The following CCDC181 variants were observed in gnomAD, a reference collection of about 807,000 sequenced individuals.
The protein encoded by CCDC181 is coiled-coil domain-containing protein 181.
In CCDC181, 35 loss-of-function variants were observed where a neutral mutation model predicts 58.7. The observed-to-expected ratio is 0.60, with a 90% CI of 0.46 to 0.79. The LOEUF (loss-of-function observed/expected upper bound fraction) is 0.79, where lower values mean the gene tolerates loss of function less well. CCDC181 is among the 30% of genes least tolerant of loss of function. The pLI is 0.00. For synonymous variants in CCDC181, 183 were observed against 197.5 expected (o/e 0.93, Z 0.62); for missense variants, 517 against 583.9 (o/e 0.89, Z 1.18).
Position 169,410,624 on chromosome 1 carries a change from T to C in CCDC181, c.1215+8389A>G, listed in dbSNP as rs1655914145. ...GCATCACATTGCACTTATTCTAAAA[T>C]TGACCACATATGGGAAGTAAAACAC... is the stretch of plus-strand genomic sequence containing the variant. On this transcript the variant is annotated intron_variant, in intron 4 of 5. Transcript: ENST00000367806. Among the ~76,000 whole-genome samples, 5 of 152,178 alleles carry C rather than the reference T, an allele frequency of 3.3e-5. No individual in the cohort carries two copies. In the South Asian group the frequency reaches 1.0e-3, roughly 32 times the overall value.
At chr1:169,400,350 C>T (rs1655265430) in intron 4 of CCDC181, among the ~76,000 whole-genome samples, 1 of 152,046 alleles carries the variant, frequency 6.6e-6, no homozygotes, top group South Asian at 2.1e-4. Context: ...TAACTGCCTA[C>T]AAGAAAAAAA....
chr1:169,421,457 T>C lies in CCDC181; in HGVS notation c.974A>G (p.His325Arg), dbSNP rs1290118233. The change falls in exon 3 of 6, where the codon CAT becomes CGT. Residue 325 changes from histidine to arginine, a missense_variant. Coordinates refer to ENST00000367806, the MANE Select transcript of CCDC181 (RefSeq NM_001300969.2). ...GKSNHRTQSA[H>R]ISPVTSTYCL... ...GTATGTTGAAGTCACTGGTGAGATA[T>C]GTGCAGACTGTGTCCTGTGATTAGA... 6.2e-7 allele frequency: 1 copy of C among 1,614,102 alleles called. No individual in the cohort carries two copies. The highest frequency in any genetic ancestry group is 2.2e-5 in the East Asian group (1 of 44,892).
chr1:169,399,024 A>G (rs1655203659), intron 4 of CCDC181, among the ~76,000 whole-genome samples: 1 of 152,244 alleles, frequency 6.6e-6, no homozygotes, highest in Admixed American at 6.5e-5. Flanking sequence ...AAGCTGTAGC[A>G]AAGTAGCTGA....
intron 2 of CCDC181, among the ~76,000 whole-genome samples, chr1:169,439,348 G>A (rs1396075009): frequency 6.6e-6 from 1 of 152,220 alleles, no homozygotes; most frequent in East Asian, 1.9e-4. Flanking sequence ...GAGACACCCT[G>A]TGATAGGGCT....
chr1:169,402,753 G>C (rs367977680), intron 4 of CCDC181, among the ~76,000 whole-genome samples: 1 of 152,090 alleles, frequency 6.6e-6, no homozygotes, highest in Admixed American at 6.6e-5. Context: ...ATCAACTAAC[G>C]AGCAAAATAA....
intron 2 of CCDC181, among the ~76,000 whole-genome samples, chr1:169,444,312 C>T (rs1243207806): frequency 1.3e-5 from 2 of 152,150 alleles, no homozygotes; most frequent in East Asian, 3.8e-4. Flanking sequence ...CAATACCTAG[C>T]TCTTGCACGA....
chr1:169,425,692 G>A (rs1354015494), intron 1 of CCDC181, among the ~76,000 whole-genome samples: 4 of 152,038 alleles, frequency 2.6e-5, no homozygotes, highest in East Asian at 1.9e-4. Flanking sequence ...ACTGTAATCC[G>A]AAATACTTAC....
At chr1:169,395,807 TG>T (rs1239834935) in intron 5 of CCDC181, 1 of 151,498 alleles carries the variant, frequency 6.6e-6, no homozygotes, top group Non-Finnish European at 1.5e-5. Context: ...ATACCTGGTA[TG>T]TAAGTGTGTA....
intron 2 of CCDC181, among the ~76,000 whole-genome samples, chr1:169,423,722 G>A (rs529109236): frequency 3.9e-5 from 6 of 152,030 alleles, no homozygotes; most frequent in African/African-American, 1.4e-4. Flanking sequence ...ATCGCACTGT[G>A]CTTTGGATCT....
In CCDC181 at chr1:169,406,729, T is replaced by C. The variant is rs139358267; in HGVS notation, c.1216-9338A>G. The stretch of plus-strand genomic sequence containing the variant: ...GCAGCACACCAACATGGCACATGTA[T>C]ACATATGTAACAAACCTGCACGTTG... On this transcript the variant is annotated intron_variant, in intron 4 of 5. Coordinates refer to ENST00000367806, the MANE Select transcript of CCDC181 (RefSeq NM_001300969.2). 1.8e-3 allele frequency among the ~76,000 whole-genome samples: 275 copies of C among 151,850 alleles called. 1 individual carries two copies. The highest frequency in any genetic ancestry group is 6.2e-3 in the African/African-American group (256 of 41,350).
At chr1:169,405,802 A>G (rs995008422) in intron 4 of CCDC181, among the ~76,000 whole-genome samples, 9 of 152,344 alleles carry the variant, frequency 5.9e-5, no homozygotes, top group African/African-American at 2.2e-4. Flanking sequence ...AAATTGACAA[A>G]TGGGATCTAA....
At chr1:169,411,717 G>GT (rs1655972980) in intron 4 of CCDC181, among the ~76,000 whole-genome samples, 1 of 152,162 alleles carries the variant, frequency 6.6e-6, no homozygotes, top group African/African-American at 2.4e-5. Flanking sequence ...TGCAAGGCTG[G>GT]TTCAACATAT....
Position 169,446,366 on chromosome 1 carries a change from C to A in CCDC181, c.-24+13431G>T, listed in dbSNP as rs908288859. On this transcript the variant is annotated intron_variant, in intron 2 of 6. Coordinates refer to the CCDC181 transcript ENST00000545005. ...GGCTGAGACAGGAGAACTGCTTGAA[C>A]CCAGGAGGCAGAGATTGTAGTGAGG... Among the ~76,000 whole-genome samples the A allele has an allele frequency of 3.9e-5, 6 of 152,114 alleles. No homozygotes were observed. The East Asian group carries it at 1.2e-3, about 29-fold the overall frequency.
At position 169,421,585 on chromosome 1, in the gene CCDC181, T is replaced by A. The variant is rs767968940; in HGVS notation, c.846A>T (p.Ser282=). The A allele has an allele frequency of 6.2e-7, 1 of 1,614,042 alleles. No homozygotes were observed. Among genetic ancestry groups the A allele is most frequent in the Non-Finnish European group, 8.5e-7 (1 of 1,180,032 alleles). ...STAKIHAVTH[S]STGEPLAYIA... ...TATAAGCCAGCGGCTCTCCTGTTGA[T>A]GAGTGAGTGACAGCATGAATCTTTG... Residue 282 remains serine (S), a synonymous_variant, in exon 3 of 6, where the codon TCA becomes TCT. Coordinates refer to ENST00000367806, the MANE Select transcript of CCDC181 (RefSeq NM_001300969.2).
intron 2 of CCDC181, among the ~76,000 whole-genome samples, chr1:169,456,663 C>T (rs1206418763): frequency 1.3e-5 from 2 of 152,042 alleles, no homozygotes; most frequent in African/African-American, 4.8e-5. Context: ...CATGTGATAC[C>T]CCACACTGCC....
chr1:169,442,599 A>G lies in CCDC181; in HGVS notation c.-24+17198T>C, dbSNP rs563573951. 5 of 152,274 alleles carry G rather than the reference A, an allele frequency of 3.3e-5. No homozygotes were observed. The East Asian group carries it at 9.6e-4, about 29-fold the overall frequency. 9.4% of individuals were successfully genotyped at this position (152,274 alleles called of 1,614,324 possible). ...TTTACACCTGTACATGCTATTGTTA[A>G]TGCACATTCATTTATAGAACACAAA... On this transcript the variant is annotated intron_variant, in intron 2 of 6. Coordinates refer to the CCDC181 transcript ENST00000545005.
At chr1:169,407,804 G>A (rs866094035) in intron 4 of CCDC181, among the ~76,000 whole-genome samples, 12 of 152,166 alleles carry the variant, frequency 7.9e-5, no homozygotes, top group Non-Finnish European at 1.3e-4. Context: ...GTGAAGCGTC[G>A]CCTCACCTGG....
intron 2 of CCDC181, among the ~76,000 whole-genome samples, chr1:169,437,031 A>G (rs1236875531): frequency 6.6e-6 from 1 of 152,004 alleles, no homozygotes; most frequent in African/African-American, 2.4e-5. Flanking sequence ...TTTTATTATT[A>G]CTCAAATCAG....
chr1:169,423,700 C>T (rs955745208), intron 2 of CCDC181, among the ~76,000 whole-genome samples: 4 of 151,946 alleles, frequency 2.6e-5, no homozygotes, highest in Non-Finnish European at 5.9e-5. Context: ...TCCCTATTAC[C>T]TCTCTAATTC....
Sources: allele counts gnomAD v4.1 joint callset (sites outside exome capture counted in the v4.1 genomes callset), GRCh38; gene constraint gnomAD v4.1.1; transcripts MANE v1.5; gene names NCBI Gene and HGNC (gene_info 2026-07-23, HGNC 2026-07-21).